LAMA5: variants seen among roughly 807,000 people sequenced by gnomAD.
LAMA5 encodes laminin subunit alpha 5, also known as laminin subunit alpha-5.
A neutral mutation model predicts 433.4 loss-of-function variants in LAMA5; 260 were observed. The observed-to-expected ratio is 0.60, with a 90% confidence interval of 0.54 to 0.66. The LOEUF is 0.66. Ranked by LOEUF, LAMA5 falls within the 30% of genes least tolerant of loss-of-function variation. LAMA5 has a pLI of 0.00. For missense variants in LAMA5, 5,378 were observed against 5,258.5 expected, an observed-to-expected ratio of 1.02 and a Z score of -0.70; for synonymous variants, 2,620 against 2,226.6, an observed-to-expected ratio of 1.18 and a Z score of -4.97.
intron 1 of LAMA5, among the ~76,000 whole-genome samples, chr20:62,362,764 G>A (rs1472507335): frequency 3.3e-5 from 5 of 152,140 alleles, no homozygotes; most frequent in Non-Finnish European, 7.4e-5. Flanking sequence ...AGCTGCTCAC[G>A]GCGCTAAGGA....
Position 62,312,264 on chromosome 20 carries a change from G to C in LAMA5, c.9413C>G (p.Ser3138Trp), listed in dbSNP as rs367990320. The change falls in exon 69 of 80, where the codon TCG (serine) becomes TGG (tryptophan). Residue 3138 changes from serine (S) to tryptophan (W), a missense_variant. Transcript: ENST00000252999. ...HGHGFLRLAL[S>W]NVAPLTGNVY... Reference sequence around the variant, plus strand: ...GTTGCCAGTGAGCGGTGCCACGTTCGAGAGCGCCAGGCGAAGGAAGCCGTG... The same window carrying C: ...GTTGCCAGTGAGCGGTGCCACGTTCCAGAGCGCCAGGCGAAGGAAGCCGTG... 8 of 1,611,194 alleles carry C rather than the reference G, an allele frequency of 5.0e-6. No homozygotes were observed. The South Asian group carries it at 7.7e-5, about 16-fold the overall frequency.
intron 25 of LAMA5, 27 bp downstream of exon 25, chr20:62,333,348 C>G (rs370040846): frequency 1.2e-6 from 2 of 1,601,258 alleles, no homozygotes. Context: ...GCCCCCACCC[C>G]GGTCCCACCG....
Position 62,318,835 on chromosome 20 carries a change from C to CCACT in LAMA5, c.7042+4_7042+7dup. On this transcript the variant is annotated splice_region_variant and intron_variant, in intron 52 of 79. Coordinates refer to ENST00000252999, the MANE Select transcript of LAMA5 (RefSeq NM_005560.6). The stretch of plus-strand genomic sequence containing the variant: ...CCCACCCCGCCTGCCAGGGACAACA[C>CCACT]CACTCACATCTCTGTGCTGCAGCCA... 6.2e-7 allele frequency: 1 copy of CCACT among 1,609,994 alleles called. No homozygotes were observed. Among genetic ancestry groups the CCACT allele is most frequent in the Non-Finnish European group, 8.5e-7 (1 of 1,179,284 alleles).
intron 1 of LAMA5, among the ~76,000 whole-genome samples, chr20:62,364,799 G>A (rs888460515): frequency 6.6e-6 from 1 of 152,250 alleles, no homozygotes; most frequent in African/African-American, 2.4e-5. Flanking sequence ...CCCAGCTAAT[G>A]TGCATCTCCT....
At chr20:62,328,621 G>C (rs1979753760) in intron 34 of LAMA5, among the ~76,000 whole-genome samples, 176 bp from the exon 35 acceptor site, 1 of 144,572 alleles carries the variant, frequency 6.9e-6, no homozygotes, top group Non-Finnish European at 1.5e-5. Flanking sequence ...CAGCTGCTCA[G>C]AATCAACATC....
rs148136370 is a variant in LAMA5 at position 62,323,525 on chromosome 20, T to C, written c.5995A>G (p.Thr1999Ala). 1.9e-3 allele frequency: 2,947 copies of C among 1,578,168 alleles called. 45 individuals are homozygous for C. In the East Asian group the frequency reaches 0.038, roughly 20 times the overall value. The change falls in exon 45 of 80, where the codon ACT (threonine) becomes GCT (alanine). Residue 1999 changes from threonine to alanine, a missense_variant. By Grantham distance (58) the Thr-to-Ala change is moderately conservative. Coordinates refer to ENST00000252999, the MANE Select transcript of LAMA5 (RefSeq NM_005560.6). ...GACRGCLRHT[T>A]GPRCEICAPG... is the part of the protein sequence containing the mutation. Reference sequence around the variant, plus strand: ...GCACAGATCTCGCAGCGGGGCCCAGTGGTGTGGCGCAGGCAGCCACGGCAG... The same window carrying C: ...GCACAGATCTCGCAGCGGGGCCCAGCGGTGTGGCGCAGGCAGCCACGGCAG...
chr20:62,337,621 C>A lies in LAMA5; in HGVS notation c.2133G>T (p.Val711=). The A allele has an allele frequency of 1.9e-6, 3 of 1,611,582 alleles. No homozygotes were observed. Among genetic ancestry groups the A allele is most frequent in the Non-Finnish European group, 2.5e-6 (3 of 1,179,428 alleles). ...RVTGLRCDTC[V]PGAYNFPYCE... ...AGTAGGGGAAGTTGTAGGCACCGGG[C>A]ACACATGTGTCACACCGCAGCCCCG... Residue 711 remains valine (V), a synonymous_variant, in exon 16 of 80, where the codon GTG becomes GTT. Transcript: ENST00000252999.
In LAMA5 at chr20:62,327,288, G is replaced by A; in HGVS notation, c.5057C>T (p.Pro1686Leu). Reference protein sequence around the residue: ...ADLRHVPEAVPEAFPELYWQA... With the variant: ...ADLRHVPEAVLEAFPELYWQA... ...CCAGTACAGCTCGGGGAAAGCCTCG[G>A]GCACAGCCTCAGGCACGTGCCGCAG... The change falls in exon 38 of 80, where the codon CCC (proline) becomes CTC (leucine). Residue 1686 changes from proline (P) to leucine (L), a missense_variant. Transcript: ENST00000252999. 1.3e-6 allele frequency: 2 copies of A among 1,576,798 alleles called. No homozygotes were observed. The highest frequency in any genetic ancestry group is 1.7e-6 in the Non-Finnish European group (2 of 1,161,680).
chr20:62,337,432 C>T (rs1232998817), intron 16 of LAMA5, among the ~76,000 whole-genome samples, 158 bp downstream of exon 16: 1 of 152,270 alleles, frequency 6.6e-6, no homozygotes, highest in East Asian at 1.9e-4. Flanking sequence ...CCCTGCACGG[C>T]ATGTGAACAA....
chr20:62,310,284 A>G lies in LAMA5; in HGVS notation c.10628T>C (p.Val3543Ala), dbSNP rs764177402. ...LDLPGATLPD[V>A]GLELEVRPLA... ...GGGCCGCACCTCCAGTTCCAGGCCC[A>G]CATCAGGCAGTGTAGCTCCTGGGAG... Residue 3543 changes from valine (V) to alanine (A), a missense_variant, in exon 77 of 80, where the codon GTG (valine) becomes GCG (alanine). Val to Ala is a moderately conservative substitution (Grantham distance 64). Transcript: ENST00000252999. The G allele has an allele frequency of 3.7e-6, 6 of 1,610,288 alleles. No homozygotes were observed. The African/African-American group carries it at 5.3e-5, about 14-fold the overall frequency.
At chr20:62,365,697 G>T (rs1568996152) in intron 1 of LAMA5, among the ~76,000 whole-genome samples, 1 of 152,184 alleles carries the variant, frequency 6.6e-6, no homozygotes, top group Non-Finnish European at 1.5e-5. Context: ...GAGGCACCCA[G>T]GTTCCCACAG....
chr20:62,319,147 G>T, intron 51 of LAMA5, 134 bp from the exon 52 acceptor site: 1 of 920,484 alleles, frequency 1.1e-6, no homozygotes, highest in African/African-American at 1.7e-5. Context: ...GCACCTGGGT[G>T]GCCCCTAGAG....
rs1248080190 is a variant in LAMA5 at position 62,313,159 on chromosome 20, T to A, written c.8884A>T (p.Thr2962Ser). ...ARISFDSQIS[T>S]TKRFEQELRL... ...AGCTCCTGCTCGAAGCGCTTGGTGG[T>A]GCTGATCTGACTGTCGAAGCTGATG... The change falls in exon 65 of 80, where the codon ACC becomes TCC. Residue 2962 changes from threonine (T) to serine (S), a missense_variant. Physicochemically the swap from Thr to Ser is moderately conservative, Grantham distance 58. Transcript: ENST00000252999. 2 of 1,602,114 alleles carry A rather than the reference T, an allele frequency of 1.2e-6. No individual in the cohort carries two copies. The highest frequency in any genetic ancestry group is 2.7e-5 in the African/African-American group (2 of 74,750).
rs1979837088 is a variant in LAMA5, at chr20:62,329,006, G to A, written c.4285C>T (p.Leu1429Phe). The change falls in exon 34 of 80, where the codon CTC (leucine) becomes TTC (phenylalanine). Residue 1429 changes from leucine to phenylalanine, a missense_variant. Coordinates refer to ENST00000252999, the MANE Select transcript of LAMA5 (RefSeq NM_005560.6). The part of the protein sequence containing the change: ...FCRNAAASLS[L>F]FYNNGARPCG... ...GGACGGGCTCCGTTGTTATAGAAGA[G>A]GGAGAGGGAAGCAGCAGCGTTTCGG... 2.5e-6 allele frequency: 4 copies of A among 1,612,732 alleles called. No homozygotes were observed. Among genetic ancestry groups the A allele is most frequent in the East Asian group, 2.2e-5 (1 of 44,876 alleles).
intron 48 of LAMA5, among the ~76,000 whole-genome samples, chr20:62,321,238 T>A (rs1177713024): frequency 1.7e-4 from 1 of 5,756 alleles, no homozygotes. Context: ...AGGCGGGGCC[T>A]GTGGAGGGGT....
intron 54 of LAMA5, 80 bp downstream of exon 54, chr20:62,317,582 G>C: frequency 2.6e-6 from 4 of 1,524,434 alleles, no homozygotes; most frequent in South Asian, 1.3e-5. Flanking sequence ...GCACGCAAGT[G>C]TGCACACAAA....
At chr20:62,322,974 T>C (rs1271509828) in intron 45 of LAMA5, among the ~76,000 whole-genome samples, 1 of 150,760 alleles carries the variant, frequency 6.6e-6, no homozygotes. Flanking sequence ...TGGCCTGCCC[T>C]GCTCTGACGG....
At chr20:62,354,628 G>C (rs1984889326) in intron 2 of LAMA5, among the ~76,000 whole-genome samples, 1 of 152,132 alleles carries the variant, frequency 6.6e-6, no homozygotes, top group African/African-American at 2.4e-5. Flanking sequence ...CCAGGAGCAG[G>C]GGGGGTCCCG....
chr20:62,360,268 CAGAT>C (rs926158770), intron 2 of LAMA5, among the ~76,000 whole-genome samples: 11 of 102,368 alleles, frequency 1.1e-4, no homozygotes, highest in Non-Finnish European at 1.7e-4. Flanking sequence ...GACAGGTGGA[CAGAT>C]GGATGGAAAC....
Sources: gnomAD v4.1 joint callset for allele counts (sites outside exome capture counted in the v4.1 genomes callset) on GRCh38, gnomAD v4.1.1 for gene constraint, MANE v1.5 for transcripts, NCBI Gene and HGNC (gene_info 2026-07-23, HGNC 2026-07-21) for gene names.